The following IPO13 variants were observed in gnomAD, a reference collection of about 807,000 sequenced individuals.
IPO13 encodes importin 13.
A neutral mutation model predicts 115.5 loss-of-function variants in IPO13; 28 were observed. The ratio of observed to expected loss-of-function variants is 0.24; its 90% CI spans 0.18 to 0.33. The LOEUF (loss-of-function observed/expected upper bound fraction) is 0.33, where lower values mean the gene tolerates loss of function less well. IPO13 is among the 10% of genes least tolerant of loss of function. IPO13 has a pLI of 1.00. For missense variants in IPO13, 785 were observed against 1,204.6 expected, an observed-to-expected ratio of 0.65 and a Z score of 5.16; for synonymous variants, 414 against 478.9, an observed-to-expected ratio of 0.86 and a Z score of 1.77.
chr1:43,963,958 C>T (rs2154302403), intron 14 of IPO13, among the ~76,000 whole-genome samples: 1 of 152,316 alleles, frequency 6.6e-6, no homozygotes, highest in Middle Eastern at 3.4e-3. Context: ...GTGGCCGTTT[C>T]TTCAGCTATA....
chr1:43,963,578 C>T (rs2085303559), intron 14 of IPO13, among the ~76,000 whole-genome samples: 1 of 152,176 alleles, frequency 6.6e-6, no homozygotes, highest in Non-Finnish European at 1.5e-5. Context: ...GGGTGGGGCT[C>T]TTGTTTTTGG....
intron 15 of IPO13, chr1:43,965,999 C>T (rs781325058): frequency 1.7e-5 from 3 of 178,816 alleles, no homozygotes; most frequent in Non-Finnish European, 3.6e-5. Context: ...TGTGTATGGC[C>T]GAAGAGGGCC....
intron 2 of IPO13, among the ~76,000 whole-genome samples, chr1:43,953,987 G>C (rs550405454): frequency 6.6e-6 from 1 of 152,312 alleles, no homozygotes; most frequent in South Asian, 2.1e-4. Context: ...AGCTCTTTGA[G>C]GCTGTATTAT....
intron 2 of IPO13, chr1:43,953,556 T>C (rs1557631276): frequency 6.6e-6 from 1 of 152,216 alleles, no homozygotes; most frequent in African/African-American, 2.4e-5. Flanking sequence ...CTTTGGCTTG[T>C]GAAAGTCACC....
intron 1 of IPO13, 69 bp from the exon 2 acceptor site, chr1:43,949,348 C>T (rs918136788): frequency 8.0e-6 from 12 of 1,491,468 alleles, no homozygotes; most frequent in South Asian, 2.7e-5. Flanking sequence ...GACCAAGTCA[C>T]GCCTCTGTTC....
intron 14 of IPO13, among the ~76,000 whole-genome samples, chr1:43,962,709 A>G (rs2085298091): frequency 1.3e-5 from 2 of 152,246 alleles, no homozygotes; most frequent in South Asian, 2.1e-4. Flanking sequence ...GGAAGACTGC[A>G]TCACTTCTCA....
In IPO13 at chr1:43,956,121, T is replaced by C. The variant is rs2085246039; in HGVS notation, c.822-199T>C. ...TCTCATACGTCCTTCTCAGAGTTCT[T>C]CTGGGGGTCCCTGATCTAAGGTTCT... is the stretch of plus-strand genomic sequence containing the variant. On this transcript the variant is annotated intron_variant, in intron 2 of 19. Coordinates refer to ENST00000372343, the MANE Select transcript of IPO13 (RefSeq NM_014652.4). The surrounding 1 kb of genome is among the most constrained non-coding windows in gnomAD (Gnocchi z 4.7). Among the ~76,000 whole-genome samples the C allele has an allele frequency of 6.6e-6, 1 of 152,154 alleles. No homozygotes were observed. The highest frequency in any genetic ancestry group is 1.5e-5 in the Non-Finnish European group (1 of 68,026).
rs2085171191 is a variant in IPO13, at chr1:43,947,035, C to T, written c.-566C>T. 1 of 398,734 alleles carries T rather than the reference C, an allele frequency of 2.5e-6. No individual in the cohort carries two copies. Among genetic ancestry groups the T allele is most frequent in the Non-Finnish European group, 4.4e-6 (1 of 226,118 alleles). 24.7% of individuals were successfully genotyped at this position (398,734 alleles called of 1,614,324 possible). On this transcript the variant is annotated 5_prime_UTR_variant, in exon 1 of 20. In the 5' UTR this introduces an upstream ATG that the reference lacks. Transcript: ENST00000372343. ...TGAGCACAGCGCGGGCCAGGCCGAA[C>T]GGAAGGGACCTGCCACAGCCCCTCA...
intron 1 of IPO13, 49 bp from the exon 2 acceptor site, chr1:43,949,368 G>A (rs1274588690): frequency 6.5e-7 from 1 of 1,529,766 alleles, no homozygotes; most frequent in Admixed American, 1.9e-5. Flanking sequence ...CTGGGCTCTG[G>A]CAGGATCCAG....
Position 43,967,310 on chromosome 1 carries a change from C to T in IPO13, c.2614-5C>T. The T allele has an allele frequency of 1.2e-6, 2 of 1,611,990 alleles. No homozygotes were observed. Among genetic ancestry groups the T allele is most frequent in the Non-Finnish European group, 1.7e-6 (2 of 1,178,410 alleles). On this transcript the variant is annotated splice_region_variant and splice_polypyrimidine_tract_variant and intron_variant, in intron 18 of 19. Coordinates refer to ENST00000372343, the MANE Select transcript of IPO13 (RefSeq NM_014652.4). This position sits in a 1 kb window ranked among gnomAD's most constrained non-coding sequence, Gnocchi z 6.1. ...CCTGGTGTGCTGAGAACCCCTCTCC[C>T]TCAGGCCATTGGGGGCCAGGCCTCC...
At position 43,956,210 on chromosome 1, in the gene IPO13, A is replaced by T; in HGVS notation, c.822-110A>T. 1 of 1,264,114 alleles carries T rather than the reference A, an allele frequency of 7.9e-7. No individual in the cohort carries two copies. The allele number at this position is 1,264,114 out of a possible 1,614,324, so 78.3% of individuals were successfully genotyped here. Reference sequence around the variant, plus strand: ...TGACCCTTTTTTTGCTTAGGATTTGATAAGGGAAGGGGAGCTTTGATGGAA... The same window carrying T: ...TGACCCTTTTTTTGCTTAGGATTTGTTAAGGGAAGGGGAGCTTTGATGGAA... On this transcript the variant is annotated intron_variant, in intron 2 of 19. Transcript: ENST00000372343. The surrounding 1 kb of genome is among the most constrained non-coding windows in gnomAD (Gnocchi z 4.7).
At chr1:43,949,251 A>C (rs1430538944) in intron 1 of IPO13, 166 bp from the exon 2 acceptor site, 1 of 648,708 alleles carries the variant, frequency 1.5e-6, no homozygotes, top group African/African-American at 1.8e-5. Flanking sequence ...TCAAGATATC[A>C]GCAGGACCCC....
intron 1 of IPO13, among the ~76,000 whole-genome samples, chr1:43,948,689 G>A (rs2085184882): frequency 6.6e-6 from 1 of 152,210 alleles, no homozygotes; most frequent in Non-Finnish European, 1.5e-5. Flanking sequence ...TGTTCCATGT[G>A]CTATTGGGAG....
rs368914577 is a variant in IPO13, at chr1:43,961,185, A to T, written c.2267A>T (p.His756Leu). 1.9e-6 allele frequency: 3 copies of T among 1,614,062 alleles called. No individual in the cohort carries two copies. ...LTRQLVHIFA[H>L]EPAHFPPIEA... Reference sequence around the variant, plus strand: ...TCGTAGCTGGTCCACATCTTTGCTCATGAGCCTGCCCACTTTCCCCCAATT... The same window carrying T: ...TCGTAGCTGGTCCACATCTTTGCTCTTGAGCCTGCCCACTTTCCCCCAATT... Residue 756 changes from histidine (H) to leucine (L), a missense_variant, in exon 14 of 20, where the codon CAT (histidine) becomes CTT (leucine). His to Leu is a moderately conservative substitution (Grantham distance 99). Transcript: ENST00000372343.
rs757882575 is a variant in IPO13, at chr1:43,961,229, G to A, written c.2311G>A (p.Val771Ile). The stretch of plus-strand genomic sequence containing the variant: ...CCCAATTGAGGCCCTCTTCCTGCTC[G>A]TCACCTCCGTCACACTCACTCTCTT... ...FPPIEALFLLVTSVTLTLFQQ... is the reference protein window; with the variant it reads ...FPPIEALFLLITSVTLTLFQQ... The change falls in exon 14 of 20, where the codon GTC becomes ATC. Residue 771 changes from valine to isoleucine, a missense_variant. Physicochemically the swap from Val to Ile is conservative, Grantham distance 29. Coordinates refer to ENST00000372343, the MANE Select transcript of IPO13 (RefSeq NM_014652.4). The A allele has an allele frequency of 2.4e-5, 38 of 1,613,818 alleles. No individual in the cohort carries two copies. Among genetic ancestry groups the A allele is most frequent in the East Asian group, 6.7e-5 (3 of 44,894 alleles).
At position 43,956,448 on chromosome 1, in the gene IPO13, A is replaced by G; in HGVS notation, c.950A>G (p.Glu317Gly). Residue 317 changes from glutamate (E) to glycine (G), a missense_variant, in exon 3 of 20, where the codon GAG becomes GGG. By Grantham distance (98) the Glu-to-Gly change is moderately conservative. Around this residue, in one of 3 missense-constraint regions of IPO13, gnomAD observed 325 missense variants for 449.8 expected, o/e 0.72. Coordinates refer to ENST00000372343, the MANE Select transcript of IPO13 (RefSeq NM_014652.4). This position sits in a 1 kb window ranked among gnomAD's most constrained non-coding sequence, Gnocchi z 4.7. Reference sequence around the variant, plus strand: ...TGTCGCATCGCTGTGGCCCTGGGCGAGAACCACTCCCGGTAAAGGGTGGAG... The same window carrying G: ...TGTCGCATCGCTGTGGCCCTGGGCGGGAACCACTCCCGGTAAAGGGTGGAG... ...GICRIAVALG[E>G]NHSRALLDQV... 2 of 1,614,184 alleles carry G rather than the reference A, an allele frequency of 1.2e-6. No individual in the cohort carries two copies. Among genetic ancestry groups the G allele is most frequent in the South Asian group, 2.2e-5 (2 of 91,084 alleles).
At chr1:43,964,169 C>A in intron 14 of IPO13, 100 bp from the exon 15 acceptor site, 2 of 768,544 alleles carry the variant, frequency 2.6e-6, no homozygotes, top group Non-Finnish European at 4.5e-6. Flanking sequence ...CATGTGCCCC[C>A]ACGCTGTCTC....
chr1:43,955,475 T>C (rs1326790941), intron 2 of IPO13, among the ~76,000 whole-genome samples: 1 of 152,216 alleles, frequency 6.6e-6, no homozygotes, highest in Non-Finnish European at 1.5e-5. Context: ...AAGGCTGTGC[T>C]CCCTCTGAAA....
At position 43,949,451 on chromosome 1, in the gene IPO13, A is replaced by G. The variant is rs1232340920; in HGVS notation, c.119A>G (p.Glu40Gly). 2 of 1,612,214 alleles carry G rather than the reference A, an allele frequency of 1.2e-6. No individual in the cohort carries two copies. Among genetic ancestry groups the G allele is most frequent in the African/African-American group, 2.7e-5 (2 of 74,882 alleles). Reference protein sequence around the residue: ...LHQLYYDPNIENKNLAQKWLM... With the variant: ...LHQLYYDPNIGNKNLAQKWLM... The stretch of plus-strand genomic sequence containing the variant: ...CAGCTCTACTATGATCCCAACATTG[A>G]GAATAAGAACCTGGCTCAGAAGTGG... The change falls in exon 2 of 20, where the codon GAG (glutamate) becomes GGG (glycine). Residue 40 changes from glutamate (E) to glycine (G), a missense_variant. This residue lies in a region of IPO13 where 325 missense variants were observed against 449.8 expected (regional missense o/e 0.72). Transcript: ENST00000372343.
Sources: gnomAD v4.1 joint callset for allele counts (sites outside exome capture counted in the v4.1 genomes callset) on GRCh38, gnomAD v4.1.1 for gene constraint, gnomAD v4.1.1 regional missense constraint, Gnocchi (gnomAD v3.1) non-coding constraint, MANE v1.5 for transcripts, NCBI Gene and HGNC (gene_info 2026-07-23, HGNC 2026-07-21) for gene names.